Variants in UMAD1 observed in about 807,000 individuals in gnomAD.
UMAD1 encodes the protein UBAP1-MVB12-associated (UMA)-domain containing protein 1.
UMAD1 carries 8 observed loss-of-function variants against 6.1 expected under a neutral mutation model. That is an observed-to-expected ratio of 1.30 (90% CI 0.76 to 2.35). UMAD1 has a LOEUF of 2.35. Ranked by LOEUF, UMAD1 falls within the 30% of genes most tolerant of loss-of-function variation. The probability of loss-of-function intolerance (pLI) is 0.00; values close to 1 mark genes in which losing one functional copy is unlikely to be tolerated. For missense variants in UMAD1, 130 were observed against 78.4 expected, an observed-to-expected ratio of 1.66 and a Z score of -2.49; for synonymous variants, 56 against 31.4, an observed-to-expected ratio of 1.78 and a Z score of -2.61.
intron 2 of UMAD1, among the ~76,000 whole-genome samples, chr7:7,760,466 A>G (rs1359591519): frequency 2.0e-5 from 3 of 150,414 alleles, no homozygotes; most frequent in African/African-American, 7.3e-5. Flanking sequence ...GTCTTGAGTT[A>G]TAAGTAGTTT....
intron 2 of UMAD1, chr7:7,741,944 A>T: frequency 4.3e-6 from 1 of 233,342 alleles, no homozygotes; most frequent in East Asian, 1.0e-4. Context: ...CAATCGTTTT[A>T]TAGTTATAGT....
chr7:7,795,490 G>C (rs1379252689), intron 2 of UMAD1, among the ~76,000 whole-genome samples: 1 of 152,208 alleles, frequency 6.6e-6, no homozygotes, highest in Admixed American at 6.5e-5. Flanking sequence ...AAAGAATTTG[G>C]GGTGAGTCCA....
At chr7:7,732,347 G>A (rs920321515) in intron 2 of UMAD1, among the ~76,000 whole-genome samples, 3 of 151,982 alleles carry the variant, frequency 2.0e-5, no homozygotes, top group Non-Finnish European at 4.4e-5. Flanking sequence ...AGGTGAAAAG[G>A]CAAACATTTT....
chr7:7,780,501 T>C (rs1166572710), intron 2 of UMAD1, among the ~76,000 whole-genome samples: 1 of 152,240 alleles, frequency 6.6e-6, no homozygotes, highest in Non-Finnish European at 1.5e-5. Flanking sequence ...TATTGATGAA[T>C]AGCATACATG....
chr7:7,656,400 G>A (rs939336721), intron 1 of UMAD1, among the ~76,000 whole-genome samples: 1 of 152,050 alleles, frequency 6.6e-6, no homozygotes, highest in Non-Finnish European at 1.5e-5. Flanking sequence ...ACGTGCCATG[G>A]TGGTTTGCTG....
intron 2 of UMAD1, among the ~76,000 whole-genome samples, chr7:7,698,719 T>C (rs935282104): frequency 1.3e-5 from 2 of 152,102 alleles, no homozygotes; most frequent in Non-Finnish European, 2.9e-5. Flanking sequence ...CTCTTAATAA[T>C]TACCTGCTCC....
At chr7:7,870,420 T>G (rs907557511) in intron 3 of UMAD1, among the ~76,000 whole-genome samples, 1 of 152,228 alleles carries the variant, frequency 6.6e-6, no homozygotes, top group African/African-American at 2.4e-5. Context: ...TGAATTAATT[T>G]TCTGAAATTT....
At chr7:7,811,948 A>G (rs1276597720) in intron 3 of UMAD1, among the ~76,000 whole-genome samples, 1 of 152,194 alleles carries the variant, frequency 6.6e-6, no homozygotes, top group Non-Finnish European at 1.5e-5. Flanking sequence ...TTACAGTAAG[A>G]TTAGCACAGG....
At chr7:7,735,676 G>A (rs113075445) in intron 2 of UMAD1, 13,398 of 152,200 alleles carry the variant, frequency 0.088, 716 homozygotes, top group African/African-American at 0.15. Flanking sequence ...TCCCAAAGTG[G>A]TGGGATTACA....
In UMAD1 at chr7:7,865,282, G is replaced by T. The variant is rs193083524; in HGVS notation, c.157-11999G>T. ...TGAGACTGATCCCTGAACCTGTGGG[G>T]TTTGGGCTACCTCCAGGAAGTTAGC... On this transcript the variant is annotated intron_variant, in intron 3 of 3. Coordinates refer to ENST00000682710, the MANE Select transcript of UMAD1 (RefSeq NM_001302348.2). 2.4e-3 allele frequency among the ~76,000 whole-genome samples: 364 copies of T among 152,300 alleles called. 2 individuals carry two copies. The highest frequency in any genetic ancestry group is 8.0e-3 in the African/African-American group (331 of 41,576).
At chr7:7,855,928 G>C (rs1784008545) in intron 3 of UMAD1, among the ~76,000 whole-genome samples, 1 of 152,208 alleles carries the variant, frequency 6.6e-6, no homozygotes, top group Admixed American at 6.5e-5. Context: ...AGGACAAAAT[G>C]CTGCCAGTCT....
chr7:7,690,676 C>T (rs1436330089), intron 2 of UMAD1, among the ~76,000 whole-genome samples: 2 of 151,984 alleles, frequency 1.3e-5, no homozygotes, highest in Non-Finnish European at 2.9e-5. Flanking sequence ...TTTAATATAT[C>T]TAAATTCTTT....
At chr7:7,775,780 C>T (rs2115246945) in intron 2 of UMAD1, among the ~76,000 whole-genome samples, 1 of 152,156 alleles carries the variant, frequency 6.6e-6, no homozygotes, top group Non-Finnish European at 1.5e-5. Flanking sequence ...CTATATGATG[C>T]AGCTATTCTA....
intron 3 of UMAD1, among the ~76,000 whole-genome samples, chr7:7,815,162 C>G (rs192654661): frequency 4.5e-4 from 69 of 152,194 alleles, no homozygotes; most frequent in Non-Finnish European, 7.4e-4. Context: ...ATTTTCATAA[C>G]CCTTGCTGTA....
chr7:7,827,135 A>ATGTGTGTGTG (rs1178394302), intron 3 of UMAD1, among the ~76,000 whole-genome samples: 3,460 of 114,206 alleles, frequency 0.03, 71 homozygotes, highest in Non-Finnish European at 0.041. Flanking sequence ...ATATATATAT[A>ATGTGTGTGTG]TATATATATA....
At chr7:7,801,336 C>T (rs188022160) in intron 2 of UMAD1, among the ~76,000 whole-genome samples, 43 of 152,286 alleles carry the variant, frequency 2.8e-4, no homozygotes, top group Admixed American at 1.9e-3. Context: ...GTTTTTATTT[C>T]AACATAATTT....
At chr7:7,801,779 T>C in intron 3 of UMAD1, 36 bp downstream of exon 3, 1 of 715,638 alleles carries the variant, frequency 1.4e-6, no homozygotes, top group South Asian at 1.5e-5. Context: ...TCGGTGAAAC[T>C]GAACAAGTCA....
rs541031815 is a variant in UMAD1 at position 7,840,809 on chromosome 7, A to G, written c.157-36472A>G. 3.3e-5 allele frequency among the ~76,000 whole-genome samples: 5 copies of G among 152,288 alleles called. No homozygotes were observed. In the East Asian group the frequency reaches 7.7e-4, roughly 23 times the overall value. On this transcript the variant is annotated intron_variant, in intron 3 of 3. Coordinates refer to ENST00000682710, the MANE Select transcript of UMAD1 (RefSeq NM_001302348.2). ...TAGATGATCATCAAGGAAAGTTCCT[A>G]ATAAAGTTTGGCAAAAAAGCTAGAA...
intron 3 of UMAD1, among the ~76,000 whole-genome samples, chr7:7,833,323 G>A (rs59656815): frequency 0.025 from 3,846 of 152,218 alleles, 167 homozygotes; most frequent in African/African-American, 0.087. Context: ...GGCATTGGGA[G>A]TGAAAAAGAG....
Sources: allele counts gnomAD v4.1 joint callset (sites outside exome capture counted in the v4.1 genomes callset), GRCh38; gene constraint gnomAD v4.1.1; transcripts MANE v1.5; gene names NCBI Gene and HGNC (gene_info 2026-07-23, HGNC 2026-07-21).